ASTN1: variants seen among roughly 807,000 people sequenced by gnomAD.
ASTN1 encodes the protein astrotactin 1.
ASTN1 carries 41 observed loss-of-function variants against 140.7 expected under a neutral mutation model. The observed-to-expected ratio is 0.29, with a 90% CI of 0.23 to 0.38. ASTN1 has a LOEUF of 0.38. Ranked by LOEUF, ASTN1 falls within the 10% of genes least tolerant of loss-of-function variation. The probability of loss-of-function intolerance (pLI) is 1.00; values close to 1 mark genes in which losing one functional copy is unlikely to be tolerated. For missense variants in ASTN1, 1,479 were observed against 1,678.8 expected, an observed-to-expected ratio of 0.88 and a Z score of 2.08; for synonymous variants, 640 against 652.2, an observed-to-expected ratio of 0.98 and a Z score of 0.29.
intron 8 of ASTN1, among the ~76,000 whole-genome samples, chr1:177,013,989 T>C (rs1054439984): frequency 3.3e-5 from 5 of 151,134 alleles, no homozygotes; most frequent in African/African-American, 1.2e-4. Context: ...GATGTTACTG[T>C]GAGCTATGAT....
At chr1:176,988,123 C>CA (rs1301396900) in intron 8 of ASTN1, among the ~76,000 whole-genome samples, 2 of 151,886 alleles carry the variant, frequency 1.3e-5, no homozygotes, top group Non-Finnish European at 1.5e-5. Flanking sequence ...AACAAATATC[C>CA]AAGAGGTAGT....
rs369579108 is a variant in ASTN1, at chr1:176,957,729, A to C, written c.1836T>G (p.Ser612Arg). 6.2e-7 allele frequency: 1 copy of C among 1,613,950 alleles called. No individual in the cohort carries two copies. Among genetic ancestry groups the C allele is most frequent in the African/African-American group, 1.3e-5 (1 of 74,886 alleles). ...RDCSKDNGGC[S>R]KNFRCISDRK... is the part of the protein sequence containing the mutation. ...GATCTGAAATACAGCGGAAATTCTT[A>C]CTGCAGCCCCCGTTATCTTTGCTGC... is the stretch of plus-strand genomic sequence containing the variant. The change falls in exon 11 of 23, where the codon AGT becomes AGG. Residue 612 changes from serine to arginine, a missense_variant. Ser to Arg is a moderately radical substitution (Grantham distance 110, BLOSUM62 -1). This residue lies in a region of ASTN1 where 729 missense variants were observed against 860.4 expected (regional missense o/e 0.85). Transcript: ENST00000361833.
chr1:176,958,549 G>A, intron 9 of ASTN1, 67 bp from the exon 10 acceptor site: 1 of 1,496,252 alleles, frequency 6.7e-7, no homozygotes, highest in Admixed American at 2.4e-5. Flanking sequence ...GGGGGATCTA[G>A]CATTCCATTA....
In ASTN1 at chr1:176,932,367, T is replaced by TA. The variant is rs138983968; in HGVS notation, c.2671+1784dup. On this transcript the variant is annotated intron_variant, in intron 16 of 22. Coordinates refer to ENST00000361833, the MANE Select transcript of ASTN1 (RefSeq NM_004319.3). Reference sequence around the variant, plus strand: ...GACAGAAGAATATCTCCCTTTGTCTTACGCACGTATCATTCTTTATCAGTG... The same window carrying TA: ...GACAGAAGAATATCTCCCTTTGTCTTAACGCACGTATCATTCTTTATCAGTG... Among the ~76,000 whole-genome samples, 449 of 152,316 alleles carry TA rather than the reference T, an allele frequency of 2.9e-3. 2 individuals carry two copies. The highest frequency in any genetic ancestry group is 0.01 in the African/African-American group (431 of 41,560).
intron 8 of ASTN1, among the ~76,000 whole-genome samples, chr1:176,979,263 C>A (rs1026415840): frequency 3.9e-5 from 6 of 152,138 alleles, no homozygotes; most frequent in Admixed American, 6.5e-5. Context: ...CCTCTCTCTC[C>A]CTGTTATGAT....
At chr1:177,044,051 G>A (rs899594629) in intron 2 of ASTN1, among the ~76,000 whole-genome samples, 1 of 151,968 alleles carries the variant, frequency 6.6e-6, no homozygotes, top group South Asian at 2.1e-4. Flanking sequence ...GACGGGCTTC[G>A]TTAAGCCACC....
At chr1:177,003,871 T>C (rs1674862244) in intron 8 of ASTN1, among the ~76,000 whole-genome samples, 1 of 151,498 alleles carries the variant, frequency 6.6e-6, no homozygotes, top group African/African-American at 2.4e-5. Context: ...AACATCATAC[T>C]GAAAAGGGAA....
At chr1:176,890,930 G>A (rs991847466) in intron 17 of ASTN1, among the ~76,000 whole-genome samples, 1 of 152,150 alleles carries the variant, frequency 6.6e-6, no homozygotes, top group Non-Finnish European at 1.5e-5. Context: ...AGGAGGCTGA[G>A]GCAGGAGAAT....
chr1:176,914,005 A>G (rs1330239686), intron 16 of ASTN1, among the ~76,000 whole-genome samples: 1 of 152,204 alleles, frequency 6.6e-6, no homozygotes, highest in Non-Finnish European at 1.5e-5. Context: ...GTATCTGGCT[A>G]TATTTTAGGT....
intron 20 of ASTN1, among the ~76,000 whole-genome samples, chr1:176,881,903 G>A (rs1055342260): frequency 2.6e-5 from 4 of 152,086 alleles, no homozygotes; most frequent in African/African-American, 9.7e-5. Context: ...GATTTATTCT[G>A]GAAACCTTGA....
intron 16 of ASTN1, among the ~76,000 whole-genome samples, chr1:176,896,179 G>A (rs1464827752): frequency 6.6e-6 from 1 of 152,106 alleles, no homozygotes; most frequent in African/African-American, 2.4e-5. Context: ...CAGCATTGTT[G>A]TTTCCCAGAG....
intron 2 of ASTN1, among the ~76,000 whole-genome samples, chr1:177,033,123 C>CTGTG (rs10603141): frequency 0.022 from 3,161 of 146,270 alleles, 62 homozygotes; most frequent in African/African-American, 0.049. Flanking sequence ...AGAAACAAGT[C>CTGTG]TGTGTGTGTG....
intron 18 of ASTN1, among the ~76,000 whole-genome samples, chr1:176,887,226 G>A (rs902105721): frequency 6.6e-6 from 1 of 151,820 alleles, no homozygotes; most frequent in Non-Finnish European, 1.5e-5. Context: ...TTACTTTTTT[G>A]CAGAGCTCCA....
At chr1:177,013,695 T>C (rs1374387875) in intron 8 of ASTN1, among the ~76,000 whole-genome samples, 1 of 152,162 alleles carries the variant, frequency 6.6e-6, no homozygotes, top group Admixed American at 6.5e-5. Context: ...CAAACACATA[T>C]CTAATTTGCA....
intron 1 of ASTN1, among the ~76,000 whole-genome samples, chr1:177,104,314 T>A (rs1680442140): frequency 6.6e-6 from 1 of 152,172 alleles, no homozygotes; most frequent in Non-Finnish European, 1.5e-5. Context: ...CTCCTGAAGA[T>A]TATGGCTAAG....
At chr1:176,906,747 A>G (rs6425401) in intron 16 of ASTN1, among the ~76,000 whole-genome samples, 31,436 of 151,206 alleles carry the variant, frequency 0.21, 3,424 homozygotes, top group Middle Eastern at 0.28. Context: ...CCAGCTATTC[A>G]GGAGGCTGAG....
intron 3 of ASTN1, 150 bp downstream of exon 3, chr1:177,032,306 G>A: frequency 9.2e-7 from 1 of 1,083,302 alleles, no homozygotes; most frequent in East Asian, 2.5e-5. Flanking sequence ...ATCATCTCAG[G>A]AAACAGGTTA....
intron 8 of ASTN1, among the ~76,000 whole-genome samples, chr1:177,005,749 T>C (rs1674963816): frequency 6.6e-6 from 1 of 152,076 alleles, no homozygotes; most frequent in Non-Finnish European, 1.5e-5. Context: ...CCCGCCACCA[T>C]GGCACCCGCC....
At chr1:176,884,627 T>C (rs544730208) in intron 18 of ASTN1, 137 bp from the exon 19 acceptor site, 23 of 914,264 alleles carry the variant, frequency 2.5e-5, no homozygotes, top group Non-Finnish European at 3.6e-5. Flanking sequence ...GGCCTGTCTC[T>C]TTCAAAAGAT....
Sources: allele counts gnomAD v4.1 joint callset (sites outside exome capture counted in the v4.1 genomes callset), GRCh38; gene constraint gnomAD v4.1.1; regional missense constraint gnomAD v4.1.1; transcripts MANE v1.5; gene names NCBI Gene and HGNC (gene_info 2026-07-23, HGNC 2026-07-21).